Variants in TFG observed in about 807,000 individuals in gnomAD.
TFG encodes trafficking from ER to golgi regulator.
Under a neutral mutation model 51.4 loss-of-function variants are expected in TFG, and 22 were observed. The observed-to-expected ratio is 0.43, with a 90% confidence interval of 0.31 to 0.61. The LOEUF is 0.61. Ranked by LOEUF, TFG falls within the 20% of genes least tolerant of loss-of-function variation. The probability of loss-of-function intolerance (pLI) is 0.12; values close to 1 mark genes in which losing one functional copy is unlikely to be tolerated. For missense variants in TFG, 419 were observed against 487.7 expected (o/e 0.86, Z 1.33); for synonymous variants, 187 against 165.6 (o/e 1.13, Z -0.99).
intron 3 of TFG, among the ~76,000 whole-genome samples, chr3:100,725,005 C>T (rs180769412): frequency 2.0e-5 from 3 of 152,252 alleles, no homozygotes; most frequent in East Asian, 3.9e-4. Context: ...CGGGGCTCAC[C>T]CCATTCTCCC....
chr3:100,736,568 C>A lies in TFG; in HGVS notation c.581-8C>A. 8 of 1,610,734 alleles carry A rather than the reference C, an allele frequency of 5.0e-6. No homozygotes were observed. The highest frequency in any genetic ancestry group is 6.8e-6 in the Non-Finnish European group (8 of 1,178,642). On this transcript the variant is annotated splice_region_variant and splice_polypyrimidine_tract_variant and intron_variant, in intron 5 of 7. Coordinates refer to ENST00000240851, the MANE Select transcript of TFG (RefSeq NM_006070.6). ...GGATACTAAACTGACTTTTTTTTGA[C>A]TATCCAGGGCCACCCAGTGCTCCTG...
chr3:100,746,177 A>G (rs1168364313), intron 7 of TFG, among the ~76,000 whole-genome samples: 1 of 152,222 alleles, frequency 6.6e-6, no homozygotes, highest in Non-Finnish European at 1.5e-5. Context: ...TATGTTATTT[A>G]TAGAAAGAAT....
chr3:100,718,682 C>G (rs1378342138), intron 2 of TFG, among the ~76,000 whole-genome samples: 1 of 150,764 alleles, frequency 6.6e-6, no homozygotes, highest in Non-Finnish European at 1.5e-5. Context: ...CTCGGCCTCC[C>G]AAGTAGCTGG....
chr3:100,728,393 G>C (rs1032142054), intron 3 of TFG, among the ~76,000 whole-genome samples: 1 of 151,292 alleles, frequency 6.6e-6, no homozygotes, highest in Non-Finnish European at 1.5e-5. Flanking sequence ...AATAAAGTGA[G>C]CTTTTGAAGT....
At chr3:100,715,277 A>T (rs1296370487) in intron 2 of TFG, among the ~76,000 whole-genome samples, 1 of 152,224 alleles carries the variant, frequency 6.6e-6, no homozygotes, top group Non-Finnish European at 1.5e-5. Context: ...CACATGGCTT[A>T]TAAGCTCACC....
At position 100,710,736 on chromosome 3, in the gene TFG, G is replaced by A. The variant is rs144012059; in HGVS notation, c.-44+1015G>A. Reference sequence around the variant, plus strand: ...GAGGGTTATATTATACAAGTTAGAAGCCGAGTCATTTCTGGACTTCAGAGG... The same window carrying A: ...GAGGGTTATATTATACAAGTTAGAAACCGAGTCATTTCTGGACTTCAGAGG... On this transcript the variant is annotated intron_variant, in intron 1 of 7. Transcript: ENST00000240851. Among the ~76,000 whole-genome samples the A allele has an allele frequency of 5.9e-5, 9 of 152,316 alleles. No homozygotes were observed. In the East Asian group the frequency reaches 1.7e-3, roughly 29 times the overall value.
At chr3:100,736,169 A>T (rs2095105673) in intron 5 of TFG, among the ~76,000 whole-genome samples, 2 of 152,254 alleles carry the variant, frequency 1.3e-5, no homozygotes, top group South Asian at 4.1e-4. Context: ...TGTGAGAAAT[A>T]ATGTTTGGAC....
rs1229805438 is a variant in TFG at position 100,719,671 on chromosome 3, T to C, written c.185-304T>C. On this transcript the variant is annotated intron_variant, in intron 2 of 7. Coordinates refer to ENST00000240851, the MANE Select transcript of TFG (RefSeq NM_006070.6). ...CTAAACCAACAATTTATGATATTGC[T>C]CTCTATGAATCTCTTACTAGTGACT... Among the ~76,000 whole-genome samples the C allele has an allele frequency of 3.9e-4, 59 of 152,244 alleles. 1 individual carries two copies. The highest frequency in any genetic ancestry group is 1.3e-4 in the Non-Finnish European group (9 of 68,040).
chr3:100,710,700 T>C (rs999029167), intron 1 of TFG, among the ~76,000 whole-genome samples: 3 of 152,146 alleles, frequency 2.0e-5, no homozygotes, highest in Non-Finnish European at 4.4e-5. Flanking sequence ...CTGAGAAAAG[T>C]GTACCTGGTA....
At chr3:100,742,317 T>G (rs1425099554) in intron 6 of TFG, among the ~76,000 whole-genome samples, 1 of 152,168 alleles carries the variant, frequency 6.6e-6, no homozygotes, top group Non-Finnish European at 1.5e-5. Flanking sequence ...ATGAGTAAGT[T>G]GAGTTCCTAC....
chr3:100,748,704 A>G lies in TFG; in HGVS notation c.*173A>G, dbSNP rs1232714059. On this transcript the variant is annotated 3_prime_UTR_variant, in exon 8 of 8. Transcript: ENST00000240851. The stretch of plus-strand genomic sequence containing the variant: ...AATTTGCTGGAACACAAAGACCAAA[A>G]TGAAAGTTTTTTCCTCCCTGCTTAA... 1.3e-6 allele frequency: 1 copy of G among 766,634 alleles called. No individual in the cohort carries two copies. Among genetic ancestry groups the G allele is most frequent in the Non-Finnish European group, 1.9e-6 (1 of 514,176 alleles). 47.5% of individuals were successfully genotyped at this position (766,634 alleles called of 1,614,324 possible). A position where few individuals can be genotyped will look rare whatever the true frequency, so the allele number is the denominator to read the frequency against.
At chr3:100,725,622 CA>C (rs763163559) in intron 3 of TFG, among the ~76,000 whole-genome samples, 40,661 of 83,972 alleles carry the variant, frequency 0.48, 7,952 homozygotes, top group Non-Finnish European at 0.54. Flanking sequence ...ACCAAAAATA[CA>C]AAAAAAAAAA....
intron 3 of TFG, among the ~76,000 whole-genome samples, chr3:100,723,819 G>A (rs1276296830): frequency 6.6e-6 from 1 of 151,866 alleles, no homozygotes; most frequent in South Asian, 2.1e-4. Context: ...CTAGCAGTTA[G>A]GGAGAAATAC....
intron 3 of TFG, among the ~76,000 whole-genome samples, chr3:100,727,395 A>C (rs537723084): frequency 6.6e-6 from 1 of 151,266 alleles, no homozygotes; most frequent in Non-Finnish European, 1.5e-5. Context: ...AAAGCTTATA[A>C]TTGGTGGTTT....
At chr3:100,716,403 T>C (rs1312313199) in intron 2 of TFG, among the ~76,000 whole-genome samples, 3 of 152,230 alleles carry the variant, frequency 2.0e-5, no homozygotes, top group African/African-American at 7.2e-5. Flanking sequence ...TGTATTCCAT[T>C]GTGTATATAT....
intron 6 of TFG, among the ~76,000 whole-genome samples, chr3:100,739,855 G>A (rs1050398121): frequency 6.6e-6 from 1 of 152,098 alleles, no homozygotes; most frequent in Admixed American, 6.6e-5. Context: ...TTACTTAACA[G>A]TGATTCTTTT....
intron 5 of TFG, among the ~76,000 whole-genome samples, chr3:100,735,522 A>G (rs1313325597): frequency 6.6e-6 from 1 of 152,222 alleles, no homozygotes; most frequent in East Asian, 1.9e-4. Flanking sequence ...ACTGAGGCAC[A>G]GAAAGAGATT....
intron 5 of TFG, among the ~76,000 whole-genome samples, chr3:100,734,401 G>T (rs72928634): frequency 0.03 from 4,521 of 152,118 alleles, 184 homozygotes; most frequent in African/African-American, 0.092. Flanking sequence ...TACCTAGATC[G>T]TGGGTCTTAC....
chr3:100,721,826 A>G (rs9839133), intron 3 of TFG, among the ~76,000 whole-genome samples: 4,529 of 152,326 alleles, frequency 0.03, 182 homozygotes, highest in African/African-American at 0.092. Flanking sequence ...TACAAAATTA[A>G]AAGTTATTTA....
Sources: allele counts gnomAD v4.1 joint callset (sites outside exome capture counted in the v4.1 genomes callset), GRCh38; gene constraint gnomAD v4.1.1; transcripts MANE v1.5; gene names NCBI Gene and HGNC (gene_info 2026-07-23, HGNC 2026-07-21).